NALF1: variants seen among roughly 807,000 people sequenced by gnomAD.
The protein encoded by NALF1 is NALCN channel auxiliary factor 1, also known as family with sequence similarity 155 member A.
NALF1 carries 3 observed loss-of-function variants against 48.4 expected under a neutral mutation model. The observed-to-expected ratio is 0.06, with a 90% confidence interval of 0.03 to 0.16. The LOEUF is 0.16. NALF1 is among the 10% of genes least tolerant of loss of function. NALF1 has a pLI of 1.00. For synonymous variants in NALF1, 262 were observed against 245.7 expected, an observed-to-expected ratio of 1.07 and a Z score of -0.62; for missense variants, 526 against 571.5, an observed-to-expected ratio of 0.92 and a Z score of 0.81.
At chr13:107,570,063 T>A (rs1390849798) in intron 1 of NALF1, among the ~76,000 whole-genome samples, 1 of 152,186 alleles carries the variant, frequency 6.6e-6, no homozygotes, top group African/African-American at 2.4e-5. Flanking sequence ...TATGACCTTA[T>A]TGAACTCATT....
chr13:107,691,612 T>G (rs1465024765), intron 1 of NALF1, among the ~76,000 whole-genome samples: 1 of 152,202 alleles, frequency 6.6e-6, no homozygotes, highest in East Asian at 1.9e-4. Flanking sequence ...CAGGAGCAAG[T>G]ATCTAAAATC....
chr13:107,425,503 T>A (rs770631031), intron 1 of NALF1, among the ~76,000 whole-genome samples: 4 of 152,182 alleles, frequency 2.6e-5, no homozygotes, highest in African/African-American at 9.7e-5. Flanking sequence ...CTAGGTACTA[T>A]GATATTTAAC....
chr13:107,219,293 T>C (rs998972182), intron 1 of NALF1, among the ~76,000 whole-genome samples: 3 of 152,216 alleles, frequency 2.0e-5, no homozygotes, highest in African/African-American at 7.2e-5. Context: ...AACATACCAC[T>C]TATTTAACCT....
At chr13:107,658,227 A>C (rs1291849093) in intron 1 of NALF1, among the ~76,000 whole-genome samples, 2 of 150,414 alleles carry the variant, frequency 1.3e-5, no homozygotes, top group African/African-American at 4.9e-5. Context: ...GATTTATCTT[A>C]CTTAGTCTTC....
intron 1 of NALF1, among the ~76,000 whole-genome samples, chr13:107,692,605 T>C (rs1881592496): frequency 6.6e-6 from 1 of 152,238 alleles, no homozygotes; most frequent in African/African-American, 2.4e-5. Flanking sequence ...TATGTGATTC[T>C]TAATTGTTTC....
At chr13:107,544,758 T>C (rs990983365) in intron 1 of NALF1, among the ~76,000 whole-genome samples, 2 of 152,160 alleles carry the variant, frequency 1.3e-5, no homozygotes, top group Non-Finnish European at 2.9e-5. Flanking sequence ...CTTTCATCCC[T>C]GCCTTGAAGG....
At chr13:107,514,917 C>A (rs1027145026) in intron 1 of NALF1, among the ~76,000 whole-genome samples, 2 of 152,140 alleles carry the variant, frequency 1.3e-5, no homozygotes, top group African/African-American at 4.8e-5. Flanking sequence ...GCAGATCTGA[C>A]CTTTGTTTAT....
chr13:107,671,318 AG>A (rs964279448), intron 1 of NALF1, among the ~76,000 whole-genome samples: 3 of 152,108 alleles, frequency 2.0e-5, no homozygotes, highest in African/African-American at 7.2e-5. Flanking sequence ...AGAATTACAC[AG>A]GGGAGTTTTT....
chr13:107,179,800 T>A (rs1301443989), intron 2 of NALF1, among the ~76,000 whole-genome samples: 1 of 151,014 alleles, frequency 6.6e-6, no homozygotes, highest in African/African-American at 2.4e-5. Flanking sequence ...CCCTTCCCAG[T>A]CACTGGTGGC....
chr13:107,351,642 C>G (rs957441139), intron 1 of NALF1, among the ~76,000 whole-genome samples: 13 of 152,198 alleles, frequency 8.5e-5, no homozygotes, highest in African/African-American at 3.1e-4. Flanking sequence ...CTAATAAAAG[C>G]TTCCCTCTAT....
intron 1 of NALF1, among the ~76,000 whole-genome samples, chr13:107,611,394 A>G (rs1879220695): frequency 6.6e-6 from 1 of 152,218 alleles, no homozygotes; most frequent in Admixed American, 6.5e-5. Context: ...AGATGTGCAC[A>G]TTCATATTCA....
At position 107,170,668 on chromosome 13, in the gene NALF1, T is replaced by C. The variant is rs1294871811; in HGVS notation, c.1206A>G (p.Thr402=). Residue 402 remains threonine (T), a synonymous_variant, in exon 3 of 3, where the codon ACA becomes ACG. Coordinates refer to ENST00000375915, the MANE Select transcript of NALF1 (RefSeq NM_001080396.3). ...TVEKSGSCHR[T]SLTVSSATRL... is the part of the protein sequence containing the mutation. The stretch of plus-strand genomic sequence containing the variant: ...TTGTTGCTGATGACACTGTGAGCGA[T>C]GTCCTGTGACAGGAGCCACTTTTCT... 2 of 1,614,138 alleles carry C rather than the reference T, an allele frequency of 1.2e-6. No homozygotes were observed. Among genetic ancestry groups the C allele is most frequent in the Admixed American group, 1.7e-5 (1 of 60,012 alleles).
intron 1 of NALF1, among the ~76,000 whole-genome samples, chr13:107,303,444 G>T (rs1000450355): frequency 1.3e-5 from 2 of 152,142 alleles, no homozygotes; most frequent in African/African-American, 4.8e-5. Context: ...AAAAACATCA[G>T]AATATTTGTG....
chr13:107,853,127 G>A (rs1880359559), intron 1 of NALF1, among the ~76,000 whole-genome samples: 1 of 152,166 alleles, frequency 6.6e-6, no homozygotes, highest in Non-Finnish European at 1.5e-5. Flanking sequence ...ATTGTTGAGT[G>A]CTGTATAGTG....
chr13:107,236,141 G>C (rs1880337388), intron 1 of NALF1, among the ~76,000 whole-genome samples: 1 of 152,108 alleles, frequency 6.6e-6, no homozygotes, highest in Non-Finnish European at 1.5e-5. Context: ...GGCTGGCGTA[G>C]GCAGACTGCG....
At chr13:107,200,771 T>C (rs1469371774) in intron 2 of NALF1, among the ~76,000 whole-genome samples, 1 of 152,212 alleles carries the variant, frequency 6.6e-6, no homozygotes, top group Non-Finnish European at 1.5e-5. Flanking sequence ...GTCTTTTGGA[T>C]GTTGTGTCAT....
At chr13:107,568,114 AC>A (rs1297000220) in intron 1 of NALF1, among the ~76,000 whole-genome samples, 3 of 152,132 alleles carry the variant, frequency 2.0e-5, no homozygotes, top group Non-Finnish European at 4.4e-5. Context: ...AGTAGCTGGC[AC>A]ATCACGCATG....
In NALF1 at chr13:107,299,435, C is replaced by CAATAATAATAATAATAAT. The variant is rs549026613; in HGVS notation, c.916-88698_916-88681dup. Among the ~76,000 whole-genome samples, 146 of 124,136 alleles carry CAATAATAATAATAATAAT rather than the reference C, an allele frequency of 1.2e-3. 1 individual carries two copies. The highest frequency in any genetic ancestry group is 5.1e-3 in the South Asian group (16 of 3,164). 81.4% of individuals were successfully genotyped at this position (124,136 alleles called of 152,430 possible). A position where few individuals can be genotyped will look rare whatever the true frequency, so the allele number is the denominator to read the frequency against. On this transcript the variant is annotated intron_variant, in intron 1 of 2. Coordinates refer to ENST00000375915, the MANE Select transcript of NALF1 (RefSeq NM_001080396.3). The stretch of plus-strand genomic sequence containing the variant: ...TGGGCTACAGAGCGAGACTTTGTCT[C>CAATAATAATAATAATAAT]AATAATAATAATAATAATAATAATA...
At position 107,542,635 on chromosome 13, in the gene NALF1, A is replaced by G. The variant is rs533223341; in HGVS notation, c.915+323047T>C. The stretch of plus-strand genomic sequence containing the variant: ...TGTATTTATTTGACATGTGATTAGT[A>G]TAAAGTCTGAGCCCAAAAGTTTCCA... On this transcript the variant is annotated intron_variant, in intron 1 of 2. Transcript: ENST00000375915. 7.9e-5 allele frequency among the ~76,000 whole-genome samples: 12 copies of G among 152,278 alleles called. No homozygotes were observed. In the East Asian group the frequency reaches 2.3e-3, roughly 29 times the overall value.
Sources: allele counts gnomAD v4.1 joint callset (sites outside exome capture counted in the v4.1 genomes callset), GRCh38; gene constraint gnomAD v4.1.1; transcripts MANE v1.5; gene names NCBI Gene and HGNC (gene_info 2026-07-23, HGNC 2026-07-21).